The following MYO16 variants were observed in gnomAD, a reference collection of about 807,000 sequenced individuals.
MYO16 encodes myosin XVI.
A neutral mutation model predicts 205.3 loss-of-function variants in MYO16; 94 were observed. That is an observed-to-expected ratio of 0.46 (90% confidence interval 0.39 to 0.54). The LOEUF is 0.54. MYO16 is among the 20% of genes least tolerant of loss of function. The probability of loss-of-function intolerance (pLI) is 0.00; values close to 1 mark genes in which losing one functional copy is unlikely to be tolerated. For synonymous variants in MYO16, 988 were observed against 954.0 expected, an observed-to-expected ratio of 1.04 and a Z score of -0.66; for missense variants, 2,315 against 2,387.5, an observed-to-expected ratio of 0.97 and a Z score of 0.63.
chr13:109,100,719 C>G (rs1279733999), intron 27 of MYO16, 66 bp from the exon 28 acceptor site: 1 of 1,291,854 alleles, frequency 7.7e-7, no homozygotes, highest in East Asian at 2.4e-5. Flanking sequence ...AAAGACAGCC[C>G]TGTTGAATGT....
intron 28 of MYO16, among the ~76,000 whole-genome samples, chr13:109,117,754 A>T (rs1330392230): frequency 6.6e-6 from 1 of 152,134 alleles, no homozygotes; most frequent in African/African-American, 2.4e-5. Context: ...TTCCAAACCT[A>T]AATGATTAAT....
chr13:108,617,218 C>T (rs559442321), intron 1 of MYO16, among the ~76,000 whole-genome samples: 5 of 152,200 alleles, frequency 3.3e-5, no homozygotes, highest in South Asian at 2.1e-4. Flanking sequence ...TCCCCAAGAG[C>T]GCTGGACCCA....
At chr13:108,670,634 T>C (rs1052533272) in intron 2 of MYO16, among the ~76,000 whole-genome samples, 5 of 152,092 alleles carry the variant, frequency 3.3e-5, no homozygotes, top group African/African-American at 9.7e-5. Context: ...AAAAAAGATA[T>C]AAAAAATAAG....
chr13:108,787,617 G>C (rs1300755179), intron 5 of MYO16, among the ~76,000 whole-genome samples: 2 of 151,582 alleles, frequency 1.3e-5, no homozygotes, highest in African/African-American at 2.4e-5. Context: ...TCCTTTGAGA[G>C]GCTGATATTA....
At chr13:108,633,370 T>G (rs1000929128) in intron 1 of MYO16, among the ~76,000 whole-genome samples, 2 of 152,162 alleles carry the variant, frequency 1.3e-5, no homozygotes, top group Admixed American at 6.5e-5. Flanking sequence ...CAGTGCAGCC[T>G]TTAGTCTGTG....
intron 2 of MYO16, among the ~76,000 whole-genome samples, chr13:108,668,070 T>C (rs1283915730): frequency 6.6e-6 from 1 of 152,230 alleles, no homozygotes; most frequent in Non-Finnish European, 1.5e-5. Flanking sequence ...TGGAAATGTT[T>C]TAAAATTTCT....
chr13:109,023,455 A>G (rs1388914950), intron 23 of MYO16, among the ~76,000 whole-genome samples: 2 of 99,696 alleles, frequency 2.0e-5, no homozygotes, highest in Non-Finnish European at 3.5e-5. Context: ...ATATAAATAT[A>G]TATTTATATA....
chr13:108,843,469 C>A (rs1566364310), intron 9 of MYO16, among the ~76,000 whole-genome samples: 1 of 150,956 alleles, frequency 6.6e-6, no homozygotes, highest in East Asian at 2.0e-4. Context: ...GTGAATTTTA[C>A]TGTATGTAAA....
chr13:108,666,234 G>A (rs1249159194), intron 2 of MYO16, 85 bp downstream of exon 2: 4 of 1,411,102 alleles, frequency 2.8e-6, no homozygotes, highest in African/African-American at 1.4e-5. Context: ...TTGATGGAGA[G>A]ATGGGGCAGA....
rs560387919 is a variant in MYO16 at position 109,000,694 on chromosome 13, G to A, written c.2443-8203G>A. Among the ~76,000 whole-genome samples the A allele has an allele frequency of 8.5e-5, 13 of 152,122 alleles. No individual in the cohort carries two copies. In the South Asian group the frequency reaches 2.5e-3, roughly 29 times the overall value. On this transcript the variant is annotated intron_variant, in intron 21 of 34. Coordinates refer to ENST00000457511, the MANE Select transcript of MYO16 (RefSeq NM_001198950.3). Reference sequence around the variant, plus strand: ...TAAAATAAGAGCATTTTAACCAGAGGTTATGTTTCTAACTCTTGGGCATGG... The same window carrying A: ...TAAAATAAGAGCATTTTAACCAGAGATTATGTTTCTAACTCTTGGGCATGG...
intron 27 of MYO16, among the ~76,000 whole-genome samples, chr13:109,066,037 A>G (rs1566489062): frequency 6.6e-6 from 1 of 152,184 alleles, no homozygotes; most frequent in Non-Finnish European, 1.5e-5. Context: ...AAATAGCCCG[A>G]ACCATTTAGC....
chr13:108,688,620 T>A (rs1242280436), intron 2 of MYO16, among the ~76,000 whole-genome samples: 2 of 152,164 alleles, frequency 1.3e-5, no homozygotes, highest in African/African-American at 4.8e-5. Context: ...CATAAATAGA[T>A]GTTATTTTCA....
At chr13:108,851,986 C>G (rs1465490102) in intron 10 of MYO16, among the ~76,000 whole-genome samples, 1 of 152,186 alleles carries the variant, frequency 6.6e-6, no homozygotes, top group Non-Finnish European at 1.5e-5. Flanking sequence ...CTCCCACACA[C>G]CCATCTCCTC....
At chr13:109,097,677 G>T (rs1888821765) in intron 27 of MYO16, among the ~76,000 whole-genome samples, 1 of 152,110 alleles carries the variant, frequency 6.6e-6, no homozygotes, top group South Asian at 2.1e-4. Context: ...GTAAAATAAT[G>T]AGCCACCTTT....
At chr13:108,838,770 G>GCA (rs71125345) in intron 9 of MYO16, among the ~76,000 whole-genome samples, 13,694 of 145,022 alleles carry the variant, frequency 0.094, 1,879 homozygotes, top group African/African-American at 0.31. Context: ...ACACACAAAT[G>GCA]CACACACACA....
At chr13:108,981,289 C>T (rs542061614) in intron 20 of MYO16, among the ~76,000 whole-genome samples, 2 of 152,260 alleles carry the variant, frequency 1.3e-5, no homozygotes, top group African/African-American at 4.8e-5. Context: ...TAAATGAACT[C>T]ATACAATAGT....
In MYO16 at chr13:109,108,161, C is replaced by T. The variant is rs143951921; in HGVS notation, c.3438+7274C>T. 2.7e-3 allele frequency among the ~76,000 whole-genome samples: 414 copies of T among 152,114 alleles called. 11 individuals are homozygous for T. The highest frequency in any genetic ancestry group is 0.025 in the Admixed American group (385 of 15,262). On this transcript the variant is annotated intron_variant, in intron 28 of 34. Transcript: ENST00000457511. ...TTCCTGAGGACAGGTGTCATGTCGC[C>T]GTGTTCTTTTGTATTTTTACATGTG... is the stretch of plus-strand genomic sequence containing the variant.
chr13:108,798,253 T>C (rs1886850889), intron 6 of MYO16, among the ~76,000 whole-genome samples: 1 of 152,154 alleles, frequency 6.6e-6, no homozygotes, highest in African/African-American at 2.4e-5. Context: ...TCAGATTGAT[T>C]TCCATACCTG....
At chr13:108,691,645 C>T (rs1157224513) in intron 2 of MYO16, among the ~76,000 whole-genome samples, 2 of 152,156 alleles carry the variant, frequency 1.3e-5, no homozygotes, top group Non-Finnish European at 2.9e-5. Flanking sequence ...TCAAGCGAGC[C>T]TCCCGCCTCA....
Sources: allele counts gnomAD v4.1 joint callset (sites outside exome capture counted in the v4.1 genomes callset), GRCh38; gene constraint gnomAD v4.1.1; transcripts MANE v1.5; gene names NCBI Gene and HGNC (gene_info 2026-07-23, HGNC 2026-07-21).